GRXCR1: variants seen among roughly 807,000 people sequenced by gnomAD.
GRXCR1 encodes glutaredoxin and cysteine rich domain containing 1, also known as glutaredoxin domain-containing cysteine-rich protein 1.
In GRXCR1, 27 loss-of-function variants were observed where a neutral mutation model predicts 27.3. That is an observed-to-expected ratio of 0.99 (90% confidence interval 0.73 to 1.37). GRXCR1 has a LOEUF of 1.37. GRXCR1 is among the 40% of genes most tolerant of loss of function. The pLI, the probability that GRXCR1 is intolerant of heterozygous loss-of-function variation, is 0.00. For missense variants in GRXCR1, 379 were observed against 354.4 expected (o/e 1.07, Z -0.56); for synonymous variants, 122 against 131.1 (o/e 0.93, Z 0.47).
intron 2 of GRXCR1, among the ~76,000 whole-genome samples, chr4:42,969,789 C>A (rs1307283486): frequency 6.6e-6 from 1 of 152,070 alleles, no homozygotes; most frequent in Non-Finnish European, 1.5e-5. Context: ...AATCTCATGT[C>A]CTTCTCACAT....
At chr4:42,895,481 C>A (rs1257418370) in intron 1 of GRXCR1, among the ~76,000 whole-genome samples, 1 of 152,080 alleles carries the variant, frequency 6.6e-6, no homozygotes, top group Non-Finnish European at 1.5e-5. Flanking sequence ...AAATTTTGGT[C>A]ATTATCTTTA....
rs192236752 is a variant in GRXCR1, at chr4:42,941,036, T to A, written c.385-21856T>A. 3.3e-3 allele frequency among the ~76,000 whole-genome samples: 506 copies of A among 152,188 alleles called. 1 individual carries two copies. Among genetic ancestry groups the A allele is most frequent in the Non-Finnish European group, 5.3e-3 (363 of 67,970 alleles). On this transcript the variant is annotated intron_variant, in intron 1 of 3. Coordinates refer to ENST00000399770, the MANE Select transcript of GRXCR1 (RefSeq NM_001080476.3). ...TGGTGTAGAATAATATATATTCCTG[T>A]GTGTATAATTCTTATACATACAGAA...
At chr4:43,013,303 T>C (rs1255492202) in intron 2 of GRXCR1, among the ~76,000 whole-genome samples, 9 of 152,288 alleles carry the variant, frequency 5.9e-5, no homozygotes. Context: ...AACTCAGCTC[T>C]AAAGAAGAAA....
In GRXCR1 at chr4:42,999,935, G is replaced by A. The variant is rs77374065; in HGVS notation, c.628-20419G>A. On this transcript the variant is annotated intron_variant, in intron 2 of 3. Coordinates refer to ENST00000399770, the MANE Select transcript of GRXCR1 (RefSeq NM_001080476.3). ...GTTAATGTGTCTTTGTTCACCTTTCGTGATACACAGTATTCCCCAAACAAT... is the reference window on the plus strand; with the variant it reads ...GTTAATGTGTCTTTGTTCACCTTTCATGATACACAGTATTCCCCAAACAAT... 5.3e-4 allele frequency among the ~76,000 whole-genome samples: 80 copies of A among 152,216 alleles called. No individual in the cohort carries two copies. The East Asian group carries it at 0.011, about 22-fold the overall frequency.
At chr4:42,978,100 T>C (rs1173254166) in intron 2 of GRXCR1, among the ~76,000 whole-genome samples, 6 of 152,048 alleles carry the variant, frequency 3.9e-5, no homozygotes, top group Non-Finnish European at 8.8e-5. Context: ...GTTGAAAATA[T>C]GTTGGCTGCA....
intron 2 of GRXCR1, among the ~76,000 whole-genome samples, chr4:42,963,744 C>T (rs1331485831): frequency 6.6e-6 from 1 of 151,872 alleles, no homozygotes; most frequent in Non-Finnish European, 1.5e-5. Context: ...TAGTTAACTC[C>T]CATTGATCTG....
intron 2 of GRXCR1, among the ~76,000 whole-genome samples, chr4:43,004,132 T>C (rs2109798404): frequency 6.6e-6 from 1 of 152,328 alleles, no homozygotes; most frequent in African/African-American, 2.4e-5. Context: ...GCACCAGCCA[T>C]GACTAAAAGG....
intron 1 of GRXCR1, among the ~76,000 whole-genome samples, chr4:42,926,994 GAGAC>G (rs1747171255): frequency 6.6e-6 from 1 of 152,028 alleles, no homozygotes; most frequent in Non-Finnish European, 1.5e-5. Flanking sequence ...AGTTATAAGG[GAGAC>G]AGAAAACAAA....
chr4:43,014,253 A>G (rs1448413091), intron 2 of GRXCR1, among the ~76,000 whole-genome samples: 1 of 152,088 alleles, frequency 6.6e-6, no homozygotes, highest in Non-Finnish European at 1.5e-5. Context: ...AACTCCAGGG[A>G]CTCAATGGGG....
At chr4:42,902,660 A>G (rs965999765) in intron 1 of GRXCR1, among the ~76,000 whole-genome samples, 4 of 152,150 alleles carry the variant, frequency 2.6e-5, no homozygotes, top group African/African-American at 9.7e-5. Context: ...TTTTGGGGGA[A>G]CAACACACAC....
chr4:43,007,468 A>G (rs889429208), intron 2 of GRXCR1, among the ~76,000 whole-genome samples: 3 of 152,198 alleles, frequency 2.0e-5, no homozygotes, highest in Admixed American at 6.6e-5. Flanking sequence ...AATGTTTTTA[A>G]TCAGGAGAAT....
At chr4:42,947,853 C>T (rs955313284) in intron 1 of GRXCR1, among the ~76,000 whole-genome samples, 7 of 152,156 alleles carry the variant, frequency 4.6e-5, no homozygotes, top group African/African-American at 1.2e-4. Context: ...TACAAAACTA[C>T]ATCAGTCATG....
At position 42,957,621 on chromosome 4, in the gene GRXCR1, T is replaced by C. The variant is rs553720362; in HGVS notation, c.385-5271T>C. 2.6e-5 allele frequency among the ~76,000 whole-genome samples: 4 copies of C among 151,934 alleles called. No individual in the cohort carries two copies. The South Asian group carries it at 8.3e-4, about 32-fold the overall frequency. ...AGGTGTGCTTCATTATTTCTTATTC[T>C]TTTTCTTTTGACTCCTCTGACTATG... is the stretch of plus-strand genomic sequence containing the variant. On this transcript the variant is annotated intron_variant, in intron 1 of 3. Coordinates refer to ENST00000399770, the MANE Select transcript of GRXCR1 (RefSeq NM_001080476.3).
At chr4:42,978,977 C>T (rs770217628) in intron 2 of GRXCR1, among the ~76,000 whole-genome samples, 7 of 151,940 alleles carry the variant, frequency 4.6e-5, no homozygotes, top group Non-Finnish European at 7.4e-5. Context: ...TTTCCTGTTG[C>T]CTTGTGAAGA....
chr4:43,003,486 A>T (rs924788616), intron 2 of GRXCR1, among the ~76,000 whole-genome samples: 2 of 152,186 alleles, frequency 1.3e-5, no homozygotes, highest in Non-Finnish European at 2.9e-5. Context: ...AAAGTTTGCA[A>T]CTTCATAGAG....
At chr4:42,979,473 A>G (rs1174809969) in intron 2 of GRXCR1, among the ~76,000 whole-genome samples, 1 of 152,050 alleles carries the variant, frequency 6.6e-6, no homozygotes, top group Non-Finnish European at 1.5e-5. Context: ...TTAATGTGAT[A>G]TATCACATTT....
At chr4:42,984,396 A>G (rs975585100) in intron 2 of GRXCR1, among the ~76,000 whole-genome samples, 1 of 152,220 alleles carries the variant, frequency 6.6e-6, no homozygotes, top group African/African-American at 2.4e-5. Context: ...TCATTTCATT[A>G]GCATCAGTCA....
At chr4:42,912,684 T>C (rs1746751282) in intron 1 of GRXCR1, among the ~76,000 whole-genome samples, 1 of 152,186 alleles carries the variant, frequency 6.6e-6, no homozygotes, top group South Asian at 2.1e-4. Context: ...TATTATCTTA[T>C]AAAAAGTATT....
rs189468738 is a variant in GRXCR1, at chr4:43,029,433, C to T, written c.694-928C>T. On this transcript the variant is annotated intron_variant, in intron 3 of 3. Transcript: ENST00000399770. ...TGCTGCAAATTCCTTTTTTGCAAGT[C>T]GGAAGCTTAGTATCAATTTACTTAT... Among the ~76,000 whole-genome samples, 74 of 152,158 alleles carry T rather than the reference C, an allele frequency of 4.9e-4. 1 individual carries two copies. Among genetic ancestry groups the T allele is most frequent in the Admixed American group, 3.0e-3 (46 of 15,292 alleles).
Sources: gnomAD v4.1 joint callset for allele counts (sites outside exome capture counted in the v4.1 genomes callset) on GRCh38, gnomAD v4.1.1 for gene constraint, MANE v1.5 for transcripts, NCBI Gene and HGNC (gene_info 2026-07-23, HGNC 2026-07-21) for gene names.